Variants in WASF3 observed in about 807,000 individuals in gnomAD.
The protein encoded by WASF3 is WASP family member 3, also known as actin-binding protein WASF3.
Under a neutral mutation model 46.6 loss-of-function variants are expected in WASF3, and 11 were observed. That is an observed-to-expected ratio of 0.24 (90% CI 0.15 to 0.39). The LOEUF (loss-of-function observed/expected upper bound fraction) is 0.39, where lower values mean the gene tolerates loss of function less well. Ranked by LOEUF, WASF3 falls within the 10% of genes least tolerant of loss-of-function variation. The pLI, the probability that WASF3 is intolerant of heterozygous loss-of-function variation, is 1.00. For missense variants in WASF3, 576 were observed against 669.8 expected, an observed-to-expected ratio of 0.86 and a Z score of 1.55; for synonymous variants, 242 against 259.7, an observed-to-expected ratio of 0.93 and a Z score of 0.65.
chr13:26,580,746 C>T (rs559189608), intron 1 of WASF3, among the ~76,000 whole-genome samples: 62 of 151,604 alleles, frequency 4.1e-4, no homozygotes, highest in Admixed American at 1.1e-3. Context: ...CTGCCTCAGC[C>T]TCCCGAGTAG....
At chr13:26,636,233 CCT>C (rs199791391) in intron 2 of WASF3, among the ~76,000 whole-genome samples, 2,538 of 152,362 alleles carry the variant, frequency 0.017, 38 homozygotes, top group African/African-American at 0.044. Flanking sequence ...TGCCCCTCCC[CCT>C]GTCAGGCTGC....
upstream of WASF3, among the ~76,000 whole-genome samples, chr13:26,554,939 C>A (rs895674441): frequency 6.6e-5 from 10 of 152,104 alleles, no homozygotes; most frequent in Middle Eastern, 3.2e-3. Context: ...CTATGCTTAG[C>A]TTTGTGAGAA....
Position 26,681,095 on chromosome 13 carries a change from C to T in WASF3, c.758C>T (p.Thr253Ile). The change falls in exon 8 of 10, where the codon ACT becomes ATT. Residue 253 changes from threonine to isoleucine, a missense_variant. Around this residue, in one of 3 missense-constraint regions of WASF3, gnomAD observed 295 missense variants for 291.5 expected, o/e 1.01. Transcript: ENST00000335327. ...GTTACGGATTACTCTTACCCGGCTA[C>T]TCCCAACCATTCTCTGCACCCCCAG... ...SDVTDYSYPA[T>I]PNHSLHPQPV... The T allele has an allele frequency of 1.2e-6, 2 of 1,614,204 alleles. No individual in the cohort carries two copies. The highest frequency in any genetic ancestry group is 1.7e-6 in the Non-Finnish European group (2 of 1,180,026).
intron 1 of WASF3, among the ~76,000 whole-genome samples, chr13:26,593,810 G>A (rs1198613193): frequency 1.3e-5 from 2 of 152,164 alleles, no homozygotes; most frequent in African/African-American, 4.8e-5. Context: ...TCAGAAAAAT[G>A]TTATCACATA....
chr13:26,569,728 A>C (rs1879577006), intron 1 of WASF3, among the ~76,000 whole-genome samples: 1 of 152,218 alleles, frequency 6.6e-6, no homozygotes, highest in Non-Finnish European at 1.5e-5. Flanking sequence ...GATAGAATAG[A>C]AAATAAATAT....
upstream of WASF3, among the ~76,000 whole-genome samples, chr13:26,554,085 TTCC>T (rs1220002122): frequency 7.4e-4 from 85 of 115,212 alleles, 1 homozygote; most frequent in Non-Finnish European, 6.2e-4. Flanking sequence ...CCTTCCTTCC[TTCC>T]TTCCTTCCTT....
intron 1 of WASF3, among the ~76,000 whole-genome samples, chr13:26,592,026 GT>G (rs10607701): frequency 0.093 from 11,198 of 120,978 alleles, 757 homozygotes; most frequent in African/African-American, 0.26. Flanking sequence ...GAGCAGGCGA[GT>G]TTTTTTTTTT....
chr13:26,606,240 G>A (rs1481893984), intron 1 of WASF3, among the ~76,000 whole-genome samples: 1 of 151,988 alleles, frequency 6.6e-6, no homozygotes, highest in Middle Eastern at 3.2e-3. Flanking sequence ...CAGACAGGTG[G>A]ATACACACAC....
At chr13:26,578,153 A>G (rs1879858176) in intron 1 of WASF3, among the ~76,000 whole-genome samples, 1 of 152,162 alleles carries the variant, frequency 6.6e-6, no homozygotes, top group Non-Finnish European at 1.5e-5. Context: ...TGCACTGGAT[A>G]GAACTTCCTT....
chr13:26,645,664 G>C (rs887137346), intron 3 of WASF3, among the ~76,000 whole-genome samples: 5 of 151,808 alleles, frequency 3.3e-5, no homozygotes, highest in Non-Finnish European at 7.4e-5. Context: ...ACGTTGTCTG[G>C]CAAAATAAAT....
intron 1 of WASF3, among the ~76,000 whole-genome samples, chr13:26,563,505 A>G (rs531181519): frequency 3.6e-4 from 55 of 152,146 alleles, no homozygotes; most frequent in African/African-American, 1.3e-3. Context: ...AAATACAAAA[A>G]TTAGCCAGTT....
rs546686696 is a variant in WASF3, at chr13:26,638,841, T to C, written c.-10-3420T>C. On this transcript the variant is annotated intron_variant, in intron 2 of 9. Coordinates refer to ENST00000335327, the MANE Select transcript of WASF3 (RefSeq NM_006646.6). ...ATGGCCTAGTGGGATCTCTTATGAA[T>C]AGATTAGTGCTTTCCCTATGTGGTA... 3.3e-5 allele frequency: 5 copies of C among 152,318 alleles called. No individual in the cohort carries two copies. The South Asian group carries it at 1.0e-3, about 32-fold the overall frequency. 9.4% of individuals were successfully genotyped at this position (152,318 alleles called of 1,614,324 possible).
intron 3 of WASF3, among the ~76,000 whole-genome samples, chr13:26,645,716 AT>A (rs1434723917): frequency 6.6e-6 from 1 of 152,194 alleles, no homozygotes. Flanking sequence ...AAAAGGAAAA[AT>A]ATGTGACCTG....
intron 1 of WASF3, among the ~76,000 whole-genome samples, chr13:26,595,217 G>T (rs1216749534): frequency 6.6e-6 from 1 of 152,156 alleles, no homozygotes; most frequent in Admixed American, 6.5e-5. Flanking sequence ...CTTTCTTCCT[G>T]TTTCTGTCTG....
At chr13:26,681,463 C>T (rs1883229592) in intron 8 of WASF3, 143 bp downstream of exon 8, 5 of 1,048,596 alleles carry the variant, frequency 4.8e-6, no homozygotes, top group Non-Finnish European at 6.7e-6. Flanking sequence ...GCAACTCTAA[C>T]ATTCTGTGTG....
At chr13:26,672,075 G>A (rs892914136) in intron 6 of WASF3, 86 bp downstream of exon 6, 1 of 1,091,666 alleles carries the variant, frequency 9.2e-7, no homozygotes, top group African/African-American at 1.6e-5. Context: ...AAATGGTTGA[G>A]ATATTGGATA....
At chr13:26,624,458 T>C (rs534420761) in intron 2 of WASF3, among the ~76,000 whole-genome samples, 40 of 152,172 alleles carry the variant, frequency 2.6e-4, no homozygotes, top group African/African-American at 7.9e-4. Context: ...ATCTAAGAAC[T>C]ATGGAACAGT....
intron 9 of WASF3, 72 bp from the exon 10 acceptor site, chr13:26,685,616 A>G: frequency 1.3e-6 from 2 of 1,574,188 alleles, no homozygotes; most frequent in Non-Finnish European, 8.7e-7. Context: ...TCCAATAGAC[A>G]TATTTGTTCG....
At chr13:26,644,094 A>G (rs766588337) in intron 3 of WASF3, among the ~76,000 whole-genome samples, 2 of 152,206 alleles carry the variant, frequency 1.3e-5, no homozygotes, top group Non-Finnish European at 2.9e-5. Flanking sequence ...TGCCAGGGTG[A>G]CGTGATGTGG....
Sources: allele counts gnomAD v4.1 joint callset (sites outside exome capture counted in the v4.1 genomes callset), GRCh38; gene constraint gnomAD v4.1.1; regional missense constraint gnomAD v4.1.1; transcripts MANE v1.5; gene names NCBI Gene and HGNC (gene_info 2026-07-23, HGNC 2026-07-21).